The following ABHD12 variants were observed in gnomAD, a reference collection of about 807,000 sequenced individuals.
The protein encoded by ABHD12 is abhydrolase domain containing 12, lysophospholipase.
In ABHD12, 43 loss-of-function variants were observed where a neutral mutation model predicts 58.3. The observed-to-expected ratio is 0.74, with a 90% CI of 0.58 to 0.95. The LOEUF (loss-of-function observed/expected upper bound fraction) is 0.95. Ranked by LOEUF, ABHD12 falls within the 40% of genes least tolerant of loss-of-function variation. The probability of loss-of-function intolerance (pLI) is 0.00; values close to 1 mark genes in which losing one functional copy is unlikely to be tolerated. For synonymous variants in ABHD12, 219 were observed against 211.2 expected, an observed-to-expected ratio of 1.04 and a Z score of -0.32; for missense variants, 539 against 537.2, an observed-to-expected ratio of 1.00 and a Z score of -0.03.
chr20:25,322,381 A>ATATATATATATATATATATATATTTTTT, intron 3 of ABHD12, among the ~76,000 whole-genome samples: 5 of 59,264 alleles, frequency 8.4e-5, no homozygotes, highest in Admixed American at 2.1e-4. Context: ...ATATATATAT[A>ATATATATATATATATATATATATTTTTT]TTTTTTTTTT....
intron 1 of ABHD12, among the ~76,000 whole-genome samples, chr20:25,358,880 G>T (rs938445501): frequency 2.0e-5 from 3 of 152,090 alleles, no homozygotes; most frequent in Non-Finnish European, 4.4e-5. Flanking sequence ...TGAAGACCTG[G>T]ATGAAAATCC....
At chr20:25,368,518 A>C in intron 1 of ABHD12, 1 of 1,501,488 alleles carries the variant, frequency 6.7e-7, no homozygotes, top group Non-Finnish European at 9.3e-7. Flanking sequence ...AGTTTTCATC[A>C]CCAAATTTCT....
intron 1 of ABHD12, among the ~76,000 whole-genome samples, chr20:25,351,392 TC>T (rs2089598295): frequency 6.6e-6 from 1 of 152,248 alleles, no homozygotes. Context: ...TCTTTGGGCT[TC>T]CACTGTACTT....
intron 2 of ABHD12, among the ~76,000 whole-genome samples, chr20:25,330,719 G>A (rs559140757): frequency 5.9e-5 from 9 of 152,222 alleles, no homozygotes; most frequent in Admixed American, 1.3e-4. Context: ...CACCTCACAC[G>A]GCTGGGTACT....
intron 2 of ABHD12, among the ~76,000 whole-genome samples, chr20:25,327,749 G>A (rs1490247072): frequency 6.6e-6 from 1 of 152,166 alleles, no homozygotes; most frequent in Non-Finnish European, 1.5e-5. Flanking sequence ...TGTGGTTTAG[G>A]AGTCATGAAG....
Position 25,374,327 on chromosome 20 carries a change from T to C in ABHD12, c.191+16186A>G, listed in dbSNP as rs115274298. Among the ~76,000 whole-genome samples, 768 of 152,230 alleles carry C rather than the reference T, an allele frequency of 5.0e-3. 7 individuals carry two copies. The highest frequency in any genetic ancestry group is 0.017 in the African/African-American group (718 of 41,538). On this transcript the variant is annotated intron_variant, in intron 1 of 12. Transcript: ENST00000339157. ...CAGGTTTCATGTTGAATAGTTGAGCTCTTTCTTTAGCAGTGTTTAATCTGC... is the reference window on the plus strand; with the variant it reads ...CAGGTTTCATGTTGAATAGTTGAGCCCTTTCTTTAGCAGTGTTTAATCTGC...
chr20:25,327,816 T>C (rs1020817829), intron 2 of ABHD12, among the ~76,000 whole-genome samples: 5 of 152,184 alleles, frequency 3.3e-5, no homozygotes, highest in South Asian at 2.1e-4. Flanking sequence ...AAAATCACTA[T>C]TGTAAAACCT....
Position 25,339,319 on chromosome 20 carries a change from ATCTTCCTCAGGCG to A in ABHD12, c.211_223del (p.Arg71TyrfsTer26), listed in dbSNP as rs1555817157. ...GTACAACCCCAAAACACAGAAAAGT[ATCTTCCTCAGGCG>A]CAACCACACGCCCTTTCGCCTGCAA... On this transcript the variant is annotated frameshift_variant, in exon 2 of 13. Transcript: ENST00000339157. LOFTEE classifies it high-confidence loss of function. 1.2e-6 allele frequency: 2 copies of A among 1,614,226 alleles called. No individual in the cohort carries two copies. The highest frequency in any genetic ancestry group is 1.7e-6 in the Non-Finnish European group (2 of 1,180,040).
At chr20:25,385,459 T>C (rs2090076903) in intron 1 of ABHD12, among the ~76,000 whole-genome samples, 1 of 151,612 alleles carries the variant, frequency 6.6e-6, no homozygotes, top group South Asian at 2.1e-4. Context: ...GGTAATTTTA[T>C]AAGAATACAT....
At chr20:25,360,302 G>A (rs2089729513) in intron 1 of ABHD12, among the ~76,000 whole-genome samples, 1 of 130,716 alleles carries the variant, frequency 7.7e-6, no homozygotes, top group Non-Finnish European at 1.5e-5. Context: ...GTGCAGTGGT[G>A]CGATCTCGGC....
At chr20:25,362,449 C>T (rs2089762740) in intron 1 of ABHD12, among the ~76,000 whole-genome samples, 1 of 151,674 alleles carries the variant, frequency 6.6e-6, no homozygotes, top group African/African-American at 2.4e-5. Flanking sequence ...TGCCTATAAT[C>T]CTATCTACTC....
intron 1 of ABHD12, among the ~76,000 whole-genome samples, chr20:25,362,080 G>T (rs958134192): frequency 7.8e-4 from 118 of 150,868 alleles, no homozygotes; most frequent in Non-Finnish European, 1.8e-4. Context: ...TTTGAGACTA[G>T]CCTGGCCAAC....
rs1334993590 is a variant in ABHD12 at position 25,383,998 on chromosome 20, C to T, written c.191+6515G>A. Reference sequence around the variant, plus strand: ...AAGAAAAAAAAGAAAAAAAATTAGCCGGGCATGGTGGCGGGCGCCCATAGT... The same window carrying T: ...AAGAAAAAAAAGAAAAAAAATTAGCTGGGCATGGTGGCGGGCGCCCATAGT... On this transcript the variant is annotated intron_variant, in intron 1 of 12. Coordinates refer to ENST00000339157, the MANE Select transcript of ABHD12 (RefSeq NM_001042472.3). Among the ~76,000 whole-genome samples, 4 of 148,594 alleles carry T rather than the reference C, an allele frequency of 2.7e-5. No homozygotes were observed. The South Asian group carries it at 6.4e-4, about 24-fold the overall frequency.
intron 1 of ABHD12, among the ~76,000 whole-genome samples, chr20:25,355,904 A>G (rs1029113820): frequency 1.3e-5 from 2 of 152,214 alleles, no homozygotes; most frequent in Non-Finnish European, 2.9e-5. Context: ...ATGCCACCAA[A>G]TAAAAGTTGT....
At chr20:25,360,227 C>CT (rs576215687) in intron 1 of ABHD12, among the ~76,000 whole-genome samples, 483 of 37,350 alleles carry the variant, frequency 0.013, 161 homozygotes, top group East Asian at 0.027. Context: ...GAACACGTTA[C>CT]TTTTTTTTTT....
In ABHD12 at chr20:25,315,983, C is replaced by G. The variant is rs150658191; in HGVS notation, c.574-1013G>C. 9.2e-5 allele frequency among the ~76,000 whole-genome samples: 14 copies of G among 152,266 alleles called. No homozygotes were observed. The East Asian group carries it at 2.7e-3, about 29-fold the overall frequency. ...CCAGATGAAGAACAAAACCAAGCAA[C>G]CAAGCACAAGTGAAGGTCTGCACGC... On this transcript the variant is annotated intron_variant, in intron 5 of 12. Transcript: ENST00000339157.
At chr20:25,390,219 C>T (rs1054507197) in intron 1 of ABHD12, 2 of 294,616 alleles carry the variant, frequency 6.8e-6, no homozygotes, top group Middle Eastern at 9.3e-4. Flanking sequence ...CCGGCTTCCC[C>T]GGGAAAGGGT....
chr20:25,381,201 T>C (rs1453810963), intron 1 of ABHD12, among the ~76,000 whole-genome samples: 1 of 152,150 alleles, frequency 6.6e-6, no homozygotes, highest in African/African-American at 2.4e-5. Flanking sequence ...TGTCTCCTTG[T>C]CAGAAACATC....
At chr20:25,331,148 C>T (rs957038589) in intron 2 of ABHD12, among the ~76,000 whole-genome samples, 6 of 152,026 alleles carry the variant, frequency 3.9e-5, no homozygotes, top group East Asian at 3.8e-4. Flanking sequence ...AACCAAGGCT[C>T]GAGAACTACG....
Sources: gnomAD v4.1 joint callset for allele counts (sites outside exome capture counted in the v4.1 genomes callset) on GRCh38, gnomAD v4.1.1 for gene constraint, MANE v1.5 for transcripts, NCBI Gene and HGNC (gene_info 2026-07-23, HGNC 2026-07-21) for gene names.